The following GULP1 variants were observed in gnomAD, a reference collection of about 807,000 sequenced individuals.
GULP1 encodes GULP PTB domain containing engulfment adaptor 1, also known as PTB domain-containing engulfment adapter protein 1.
In GULP1, 19 loss-of-function variants were observed where a neutral mutation model predicts 40.9. That is an observed-to-expected ratio of 0.46 (90% CI 0.32 to 0.68). GULP1 has a LOEUF of 0.68. Among genes scored for constraint, GULP1 ranks in the 30% least tolerant of loss-of-function variants. The pLI is 0.03. For missense variants in GULP1, 312 were observed against 362.2 expected (o/e 0.86, Z 1.12); for synonymous variants, 119 against 117.6 (o/e 1.01, Z -0.08).
intron 2 of GULP1, among the ~76,000 whole-genome samples, chr2:188,453,632 A>G (rs2059015432): frequency 6.6e-6 from 1 of 152,218 alleles, no homozygotes; most frequent in South Asian, 2.1e-4. Flanking sequence ...ACAGTTATTG[A>G]CATATTCCAA....
intron 7 of GULP1, among the ~76,000 whole-genome samples, chr2:188,568,590 C>T (rs188169261): frequency 4.6e-5 from 7 of 152,248 alleles, no homozygotes; most frequent in Admixed American, 2.6e-4. Flanking sequence ...TGTTTACCAT[C>T]GCTTAAAATT....
At chr2:188,354,382 A>G (rs1052409977) in intron 1 of GULP1, among the ~76,000 whole-genome samples, 1 of 152,194 alleles carries the variant, frequency 6.6e-6, no homozygotes, top group African/African-American at 2.4e-5. Context: ...GGAGCAGGGT[A>G]GACTAGAACA....
intron 1 of GULP1, among the ~76,000 whole-genome samples, chr2:188,357,010 A>G (rs1266870961): frequency 1.3e-5 from 2 of 152,190 alleles, no homozygotes; most frequent in South Asian, 2.1e-4. Flanking sequence ...ATCCACATGC[A>G]GAAAAATAAA....
intron 4 of GULP1, 55 bp from the exon 5 acceptor site, chr2:188,522,701 A>G (rs986431578): frequency 9.8e-7 from 1 of 1,016,986 alleles, no homozygotes; most frequent in Admixed American, 1.7e-5. Flanking sequence ...TTTCAACATG[A>G]TGCAATGATA....
At chr2:188,471,222 T>C (rs1214089625) in intron 2 of GULP1, among the ~76,000 whole-genome samples, 1 of 152,174 alleles carries the variant, frequency 6.6e-6, no homozygotes, top group Non-Finnish European at 1.5e-5. Flanking sequence ...ATACCTTTAT[T>C]ATCAGTCTAT....
chr2:188,572,354 A>T (rs1699230291), intron 9 of GULP1, among the ~76,000 whole-genome samples: 1 of 152,218 alleles, frequency 6.6e-6, no homozygotes, highest in Non-Finnish European at 1.5e-5. Context: ...AGCACTCCTG[A>T]GGTTACATCA....
intron 9 of GULP1, 52 bp downstream of exon 9, chr2:188,570,172 T>A (rs757385151): frequency 1.3e-6 from 1 of 750,498 alleles, no homozygotes; most frequent in Non-Finnish European, 2.3e-6. Flanking sequence ...ATAAAACATC[T>A]GTGTATCACT....
At chr2:188,401,986 T>C (rs2052358530) in intron 2 of GULP1, among the ~76,000 whole-genome samples, 1 of 152,166 alleles carries the variant, frequency 6.6e-6, no homozygotes, top group Non-Finnish European at 1.5e-5. Context: ...TAAATCTACT[T>C]TACATATCCA....
chr2:188,465,672 T>C (rs1407826605), intron 2 of GULP1, among the ~76,000 whole-genome samples: 3 of 152,102 alleles, frequency 2.0e-5, no homozygotes, highest in African/African-American at 7.2e-5. Flanking sequence ...AAATTCTCCC[T>C]CCTTGGGCGA....
At chr2:188,330,039 A>T (rs1219318754) in intron 1 of GULP1, among the ~76,000 whole-genome samples, 1 of 152,102 alleles carries the variant, frequency 6.6e-6, no homozygotes, top group Non-Finnish European at 1.5e-5. Context: ...TAGGCTAGAG[A>T]TACAAATTGA....
intron 2 of GULP1, among the ~76,000 whole-genome samples, chr2:188,469,071 G>A (rs1279154558): frequency 6.6e-6 from 1 of 152,170 alleles, no homozygotes; most frequent in African/African-American, 2.4e-5. Flanking sequence ...AAGGGTTGAG[G>A]CTGCTGAGGC....
intron 4 of GULP1, among the ~76,000 whole-genome samples, chr2:188,497,579 G>A (rs1206064509): frequency 1.3e-5 from 2 of 151,824 alleles, no homozygotes; most frequent in Non-Finnish European, 2.9e-5. Context: ...TTTTAAACAA[G>A]TTCTAAGAGG....
At chr2:188,360,967 C>CTCTTTT (rs1559149675) in intron 1 of GULP1, among the ~76,000 whole-genome samples, 4 of 151,932 alleles carry the variant, frequency 2.6e-5, no homozygotes, top group African/African-American at 9.7e-5. Flanking sequence ...TTTATGGTGG[C>CTCTTTT]GTGAACCTGA....
chr2:188,308,668 G>T (rs1431119814), intron 1 of GULP1, among the ~76,000 whole-genome samples: 1 of 152,130 alleles, frequency 6.6e-6, no homozygotes, highest in Non-Finnish European at 1.5e-5. Context: ...ACTTACTGAG[G>T]TGCAGATAGA....
intron 7 of GULP1, among the ~76,000 whole-genome samples, chr2:188,567,536 G>A (rs1698022370): frequency 6.6e-6 from 1 of 152,110 alleles, no homozygotes. Context: ...ACTAACACAG[G>A]AACAGAAAAC....
intron 2 of GULP1, among the ~76,000 whole-genome samples, chr2:188,467,076 A>G (rs2152989533): frequency 6.6e-6 from 1 of 152,310 alleles, no homozygotes; most frequent in East Asian, 1.9e-4. Context: ...GTATGAATCA[A>G]GCAAGACTGA....
At chr2:188,587,983 T>A in intron 11 of GULP1, 34 bp downstream of exon 11, 6 of 1,023,952 alleles carry the variant, frequency 5.9e-6, no homozygotes, top group Non-Finnish European at 9.4e-6. Context: ...CATAAATGAT[T>A]TATTTCATTT....
At chr2:188,327,876 C>A (rs186713164) in intron 1 of GULP1, among the ~76,000 whole-genome samples, 31 of 152,174 alleles carry the variant, frequency 2.0e-4, no homozygotes, top group African/African-American at 7.2e-4. Context: ...TATGGTGGTT[C>A]AAAATTAGTT....
chr2:188,477,564 A>C (rs2153037551), intron 2 of GULP1, 95 bp from the exon 3 acceptor site: 1 of 633,556 alleles, frequency 1.6e-6, no homozygotes, highest in South Asian at 2.2e-5. Context: ...TATTTTTAAA[A>C]ATTTAAAAAG....
Sources: allele counts gnomAD v4.1 joint callset (sites outside exome capture counted in the v4.1 genomes callset), GRCh38; gene constraint gnomAD v4.1.1; transcripts MANE v1.5; gene names NCBI Gene and HGNC (gene_info 2026-07-23, HGNC 2026-07-21).